The following ORMDL3 variants were observed in gnomAD, a reference collection of about 807,000 sequenced individuals.
The protein encoded by ORMDL3 is ORMDL sphingolipid biosynthesis regulator 3, also known as ORM1-like protein 3.
Under a neutral mutation model 12.6 loss-of-function variants are expected in ORMDL3, and 6 were observed. That is an observed-to-expected ratio of 0.48 (90% CI 0.26 to 0.94). The LOEUF (loss-of-function observed/expected upper bound fraction) is 0.94, where lower values mean the gene tolerates loss of function less well. Ranked by LOEUF, ORMDL3 falls within the 40% of genes least tolerant of loss-of-function variation. The pLI is 0.14. For synonymous variants in ORMDL3, 99 were observed against 87.2 expected (o/e 1.14, Z -0.75); for missense variants, 159 against 205.5 (o/e 0.77, Z 1.38).
At chr17:39,926,886 C>A in intron 1 of ORMDL3, 3 of 986,264 alleles carry the variant, frequency 3.0e-6, no homozygotes, top group Non-Finnish European at 3.6e-6. Context: ...GAGTCCGGGG[C>A]AGCACGTCAC....
intron 1 of ORMDL3, chr17:39,925,855 A>C (rs1978384224): frequency 6.6e-6 from 1 of 152,234 alleles, no homozygotes; most frequent in South Asian, 2.1e-4. Flanking sequence ...AGCCTAACAG[A>C]AATTCAAGTA....
At chr17:39,924,547 C>G (rs925444492) in intron 1 of ORMDL3, among the ~76,000 whole-genome samples, 3 of 152,180 alleles carry the variant, frequency 2.0e-5, no homozygotes, top group African/African-American at 7.2e-5. Context: ...AGCCTCACCC[C>G]CTATGGCACT....
At chr17:39,926,429 T>G (rs1598288102) in intron 1 of ORMDL3, 1 of 152,254 alleles carries the variant, frequency 6.6e-6, no homozygotes, top group African/African-American at 2.4e-5. Context: ...TACATATCAC[T>G]TCCATTAGTA....
intron 2 of ORMDL3, among the ~76,000 whole-genome samples, chr17:39,923,489 G>A (rs142793799): frequency 2.6e-5 from 4 of 151,826 alleles, no homozygotes; most frequent in African/African-American, 9.7e-5. Flanking sequence ...ATGCACGGTG[G>A]AAGTTGGCCA....
chr17:39,927,530 G>C lies in ORMDL3; in HGVS notation c.-69C>G. ...GGCCCGGGAACGGTTCCCGGGAGCG[G>C]GGGCCGCTGCTGCTCCAGCAGCTGT... On this transcript the variant is annotated 5_prime_UTR_variant, in exon 1 of 4. Transcript: ENST00000304046. 3.0e-6 allele frequency: 3 copies of C among 985,444 alleles called. No homozygotes were observed. The highest frequency in any genetic ancestry group is 3.6e-6 in the Non-Finnish European group (3 of 829,956). The allele number at this position is 985,444 out of a possible 1,614,324, so 61.0% of individuals were successfully genotyped here. A position where few individuals can be genotyped will look rare whatever the true frequency, so the allele number is the denominator to read the frequency against.
Position 39,924,143 on chromosome 17 carries a change from C to T in ORMDL3, c.61G>A (p.Gly21Ser), listed in dbSNP as rs374865650. Residue 21 changes from glycine (G) to serine (S), a missense_variant, in exon 2 of 4, where the codon GGC becomes AGC. Physicochemically the swap from Gly to Ser is moderately conservative, Grantham distance 56. Transcript: ENST00000304046. ...GCCAGCACGTAGGAGAGCCAGATGC[C>T]ACGGCTGTTCATCACCCGCGTGTTG... The part of the protein sequence containing the change: ...NPNTRVMNSR[G>S]IWLSYVLAIG... 1.7e-4 allele frequency: 268 copies of T among 1,613,974 alleles called. No homozygotes were observed. Among genetic ancestry groups the T allele is most frequent in the Non-Finnish European group, 2.2e-4 (265 of 1,179,974 alleles).
chr17:39,922,711 T>C, intron 3 of ORMDL3, 26 bp from the exon 4 acceptor site: 1 of 1,599,104 alleles, frequency 6.3e-7, no homozygotes, highest in Non-Finnish European at 8.6e-7. Flanking sequence ...TGGGGAGAGA[T>C]ATAAAAGACT....
intron 1 of ORMDL3, chr17:39,926,187 A>AC (rs1359640156): frequency 1.3e-5 from 2 of 152,118 alleles, no homozygotes; most frequent in Non-Finnish European, 2.9e-5. Context: ...AGATCACAGG[A>AC]CCCCATACGC....
rs1171150708 is a variant in ORMDL3 at position 39,923,195 on chromosome 17, C to T, written c.243G>A (p.Arg81=). The part of the protein sequence containing the change: ...PFETPDQGKA[R]LLTHWEQMDY... Reference sequence around the variant, plus strand: ...CCATCTGCTCCCAGTGGGTTAGCAGCCTCGCCTTGCCCTGGTCCGGGGTCT... The same window carrying T: ...CCATCTGCTCCCAGTGGGTTAGCAGTCTCGCCTTGCCCTGGTCCGGGGTCT... The change falls in exon 3 of 4, where the codon AGG becomes AGA. Residue 81 remains arginine (R), a synonymous_variant. Coordinates refer to ENST00000304046, the MANE Select transcript of ORMDL3 (RefSeq NM_139280.4). The T allele has an allele frequency of 1.2e-6, 2 of 1,614,100 alleles. No individual in the cohort carries two copies. The highest frequency in any genetic ancestry group is 1.3e-5 in the African/African-American group (1 of 74,944).
In ORMDL3 at chr17:39,921,730, T is replaced by C. The variant is rs1304164867; in HGVS notation, c.*820A>G. ...GGGTAAATTAACCCTCCAAGCCTGC[T>C]TCCCTCCCTGCCCACATCCCAAAGG... On this transcript the variant is annotated 3_prime_UTR_variant, in exon 4 of 4. Transcript: ENST00000304046. 1 of 152,358 alleles carries C rather than the reference T, an allele frequency of 6.6e-6. No individual in the cohort carries two copies. The highest frequency in any genetic ancestry group is 2.1e-4 in the South Asian group (1 of 4,840). The allele number at this position is 152,358 out of a possible 1,614,324, so 9.4% of individuals were successfully genotyped here.
rs1482217308 is a variant in ORMDL3, at chr17:39,923,253, A to G, written c.185T>C (p.Ile62Thr). The change falls in exon 3 of 4, where the codon ATC becomes ACC. Residue 62 changes from isoleucine to threonine, a missense_variant. Coordinates refer to ENST00000304046, the MANE Select transcript of ORMDL3 (RefSeq NM_139280.4). The part of the protein sequence containing the change: ...TNLIHNMGMY[I>T]FLHTVKGTPF... ...TGTCCCCTTCACCGTGTGCAGGAAG[A>G]TATACATGCCCTGGAGGAAGAAGTC... is the stretch of plus-strand genomic sequence containing the variant. 1 of 1,614,160 alleles carries G rather than the reference A, an allele frequency of 6.2e-7. No individual in the cohort carries two copies. Among genetic ancestry groups the G allele is most frequent in the Admixed American group, 1.7e-5 (1 of 60,022 alleles).
rs779547730 is a variant in ORMDL3, at chr17:39,924,236, G to A, written c.-22-11C>T. On this transcript the variant is annotated splice_polypyrimidine_tract_variant and intron_variant, in intron 1 of 3. Transcript: ENST00000304046. ...CCCCTCTCTGCTGTTCTGCAAACAA[G>A]CAGCACAGGTCAGACAGGTCACACT... 1.9e-6 allele frequency: 3 copies of A among 1,579,468 alleles called. No homozygotes were observed. The African/African-American group carries it at 4.0e-5, about 21-fold the overall frequency.
At chr17:39,923,389 A>G in intron 2 of ORMDL3, 126 bp from the exon 3 acceptor site, 1 of 1,110,758 alleles carries the variant, frequency 9.0e-7, no homozygotes, top group South Asian at 1.4e-5. Flanking sequence ...GCAGGGGGAT[A>G]TGGGCTGGAG....
chr17:39,924,294 G>A lies in ORMDL3; in HGVS notation c.-22-69C>T, dbSNP rs535539995. On this transcript the variant is annotated intron_variant, in intron 1 of 3. Coordinates refer to ENST00000304046, the MANE Select transcript of ORMDL3 (RefSeq NM_139280.4). ...CTGCCCCCTCTCACCCTCGGATCCC[G>A]CTGGGAGGCAGGCCCTTGTTTCCCT... The A allele has an allele frequency of 1.8e-5, 26 of 1,443,666 alleles. No homozygotes were observed. In the African/African-American group the frequency reaches 3.1e-4, roughly 17 times the overall value. 89.4% of individuals were successfully genotyped at this position (1,443,666 alleles called of 1,614,324 possible).
intron 3 of ORMDL3, 119 bp downstream of exon 3, chr17:39,922,993 A>C (rs1215309190): frequency 1.5e-6 from 2 of 1,357,996 alleles, no homozygotes; most frequent in East Asian, 4.6e-5. Context: ...GAATATTCCA[A>C]CTTCCTCTGT....
intron 2 of ORMDL3, 60 bp from the exon 3 acceptor site, chr17:39,923,323 T>C: frequency 2.6e-6 from 4 of 1,565,512 alleles, no homozygotes; most frequent in Non-Finnish European, 2.6e-6. Context: ...GCCCAGCTCC[T>C]CCACCCAGTC....
At chr17:39,925,005 A>AGGG (rs1978340180) in intron 1 of ORMDL3, among the ~76,000 whole-genome samples, 1 of 152,052 alleles carries the variant, frequency 6.6e-6, no homozygotes, top group Non-Finnish European at 1.5e-5. Context: ...CCAAACCACC[A>AGGG]GGGCCCTTTT....
At chr17:39,926,978 T>TG (rs1978465587) in intron 1 of ORMDL3, 2 of 985,512 alleles carry the variant, frequency 2.0e-6, no homozygotes, top group South Asian at 4.7e-5. Context: ...CCACCCCGAC[T>TG]GGGGGAGGGC....
At chr17:39,924,785 C>T (rs562721890) in intron 1 of ORMDL3, 4 of 152,730 alleles carry the variant, frequency 2.6e-5, no homozygotes, top group Non-Finnish European at 4.4e-5. Context: ...CTGGATCTCC[C>T]CAAACCCCAA....
Sources: gnomAD v4.1 joint callset for allele counts (sites outside exome capture counted in the v4.1 genomes callset) on GRCh38, gnomAD v4.1.1 for gene constraint, MANE v1.5 for transcripts, NCBI Gene and HGNC (gene_info 2026-07-23, HGNC 2026-07-21) for gene names.